SOX6: variants seen among roughly 807,000 people sequenced by gnomAD.
SOX6 encodes transcription factor SOX-6.
In SOX6, 11 loss-of-function variants were observed where a neutral mutation model predicts 97.8. The ratio of observed to expected loss-of-function variants is 0.11; its 90% CI spans 0.07 to 0.19. SOX6 has a LOEUF of 0.19. Ranked by LOEUF, SOX6 falls within the 10% of genes least tolerant of loss-of-function variation. SOX6 has a pLI of 1.00. For missense variants in SOX6, 810 were observed against 1,039.5 expected (o/e 0.78, Z 3.04); for synonymous variants, 360 against 371.4 (o/e 0.97, Z 0.35).
intron 3 of SOX6, among the ~76,000 whole-genome samples, chr11:16,709,639 CTGCCA>C (rs1319659914): frequency 6.6e-6 from 1 of 152,210 alleles, no homozygotes; most frequent in Non-Finnish European, 1.5e-5. Context: ...GCAGATGCCA[CTGCCA>C]TGCTTTCTGT....
chr11:16,413,147 A>C (rs1503449), intron 1 of SOX6, among the ~76,000 whole-genome samples: 59,265 of 152,128 alleles, frequency 0.39, 11,618 homozygotes, highest in East Asian at 0.52. Context: ...ATTTAATAGC[A>C]GTTGCACAGC....
upstream of SOX6, among the ~76,000 whole-genome samples, chr11:16,480,655 CA>C (rs760838711): frequency 1.3e-5 from 2 of 149,330 alleles, no homozygotes; most frequent in African/African-American, 4.9e-5. Flanking sequence ...ACCCCCCCCC[CA>C]CCTTCTTTTT....
At chr11:15,993,482 TG>T (rs1337207460) in intron 13 of SOX6, among the ~76,000 whole-genome samples, 1 of 152,158 alleles carries the variant, frequency 6.6e-6, no homozygotes, top group Non-Finnish European at 1.5e-5. Context: ...CCCACAGTTA[TG>T]TACCTGGAGA....
At chr11:16,127,381 G>A (rs1849634516) in intron 6 of SOX6, among the ~76,000 whole-genome samples, 1 of 151,876 alleles carries the variant, frequency 6.6e-6, no homozygotes, top group Non-Finnish European at 1.5e-5. Flanking sequence ...ATACATAACT[G>A]TAAAATTAGT....
intron 4 of SOX6, among the ~76,000 whole-genome samples, chr11:16,227,643 T>C (rs1250326928): frequency 6.6e-6 from 1 of 152,170 alleles, no homozygotes; most frequent in Admixed American, 6.6e-5. Flanking sequence ...TCTCTACTAA[T>C]GCAGTCCAAT....
chr11:16,246,327 G>T (rs942284585), intron 3 of SOX6, among the ~76,000 whole-genome samples: 2 of 151,436 alleles, frequency 1.3e-5, no homozygotes, highest in Non-Finnish European at 3.0e-5. Context: ...TTTGCCTCCA[G>T]AGTAACCATT....
At chr11:16,569,484 T>C (rs555500363) in intron 4 of SOX6, among the ~76,000 whole-genome samples, 1 of 152,276 alleles carries the variant, frequency 6.6e-6, no homozygotes, top group South Asian at 2.1e-4. Flanking sequence ...GCAGTATGTG[T>C]GTGAGAAATT....
intron 1 of SOX6, among the ~76,000 whole-genome samples, chr11:16,389,549 A>AT (rs946277333): frequency 1.0e-4 from 15 of 144,680 alleles, no homozygotes; most frequent in Admixed American, 2.7e-4. Context: ...GAGATGTCTT[A>AT]TTTTTTTTTC....
chr11:16,362,304 T>C (rs991954680), intron 1 of SOX6, among the ~76,000 whole-genome samples: 1 of 151,966 alleles, frequency 6.6e-6, no homozygotes, highest in Admixed American at 6.6e-5. Context: ...GAAAGGAAAA[T>C]AAATAAACTA....
At chr11:16,601,455 C>T (rs918293393) in intron 4 of SOX6, among the ~76,000 whole-genome samples, 8 of 151,990 alleles carry the variant, frequency 5.3e-5, no homozygotes, top group Admixed American at 1.3e-4. Flanking sequence ...CTTAGATAAA[C>T]CAAAATTTTT....
At chr11:16,257,960 C>A (rs924247794) in intron 3 of SOX6, among the ~76,000 whole-genome samples, 16 of 150,768 alleles carry the variant, frequency 1.1e-4, no homozygotes, top group African/African-American at 3.6e-4. Context: ...TGTCCAATAT[C>A]ATATATTATT....
At chr11:16,372,756 G>A (rs570227252) in intron 1 of SOX6, among the ~76,000 whole-genome samples, 7 of 152,188 alleles carry the variant, frequency 4.6e-5, no homozygotes, top group South Asian at 4.1e-4. Flanking sequence ...GATGGAGAGA[G>A]CCAGTAGAGA....
intron 4 of SOX6, among the ~76,000 whole-genome samples, chr11:16,578,719 AGAG>A (rs1158636365): frequency 6.6e-6 from 1 of 152,118 alleles, no homozygotes; most frequent in Non-Finnish European, 1.5e-5. Flanking sequence ...CTGAAAAGAA[AGAG>A]GAGTGCAGAG....
chr11:16,062,039 AT>A (rs1315547720), intron 9 of SOX6, among the ~76,000 whole-genome samples: 1 of 151,780 alleles, frequency 6.6e-6, no homozygotes, highest in African/African-American at 2.4e-5. Flanking sequence ...AAATAGACAA[AT>A]GAGACTACGT....
intron 3 of SOX6, among the ~76,000 whole-genome samples, chr11:16,653,934 C>T (rs1218158703): frequency 1.3e-5 from 2 of 151,450 alleles, no homozygotes; most frequent in East Asian, 3.9e-4. Flanking sequence ...TATAAAAACA[C>T]AAAATATGAA....
chr11:16,353,108 T>C (rs1036277405), intron 1 of SOX6, among the ~76,000 whole-genome samples: 4 of 152,074 alleles, frequency 2.6e-5, no homozygotes, highest in Non-Finnish European at 4.4e-5. Flanking sequence ...AGAATGTCAC[T>C]GCCCGTTTAT....
intron 1 of SOX6, 37 bp from the exon 2 acceptor site, chr11:16,341,289 T>A: frequency 6.2e-7 from 1 of 1,608,884 alleles, no homozygotes; most frequent in Middle Eastern, 1.7e-4. Context: ...AAAATGGCTG[T>A]CAATAACAAA....
chr11:16,497,715 C>G (rs1301694241), intron 4 of SOX6, among the ~76,000 whole-genome samples: 1 of 149,128 alleles, frequency 6.7e-6, no homozygotes, highest in African/African-American at 2.5e-5. Flanking sequence ...GAAAGGGAAT[C>G]AGTGATGGAA....
chr11:16,369,051 C>T (rs901588040), intron 1 of SOX6, among the ~76,000 whole-genome samples: 2 of 151,834 alleles, frequency 1.3e-5, no homozygotes, highest in Non-Finnish European at 2.9e-5. Flanking sequence ...GGCAACATAG[C>T]GAGACTCTGT....
Sources: gnomAD v4.1 joint callset for allele counts (sites outside exome capture counted in the v4.1 genomes callset) on GRCh38, gnomAD v4.1.1 for gene constraint, MANE v1.5 for transcripts, NCBI Gene and HGNC (gene_info 2026-07-23, HGNC 2026-07-21) for gene names.